ASB15: variants seen among roughly 807,000 people sequenced by gnomAD.
ASB15 encodes the protein ankyrin repeat and SOCS box containing 15.
Under a neutral mutation model 58.0 loss-of-function variants are expected in ASB15, and 54 were observed. That is an observed-to-expected ratio of 0.93 (90% CI 0.75 to 1.17). ASB15 has a LOEUF of 1.17. ASB15 is among the 50% of genes most tolerant of loss of function. The pLI is 0.00. For synonymous variants in ASB15, 249 were observed against 262.4 expected (o/e 0.95, Z 0.50); for missense variants, 680 against 707.4 (o/e 0.96, Z 0.44).
At chr7:123,620,507 CATAT>C (rs1395766241) in intron 7 of ASB15, among the ~76,000 whole-genome samples, 786 of 29,480 alleles carry the variant, frequency 0.027, 19 homozygotes, top group African/African-American at 0.032. Flanking sequence ...CATATACATA[CATAT>C]ATATATATAT....
intron 2 of ASB15, among the ~76,000 whole-genome samples, chr7:123,607,559 T>C (rs1800209774): frequency 6.6e-6 from 1 of 152,222 alleles, no homozygotes; most frequent in Non-Finnish European, 1.5e-5. Flanking sequence ...TGAACATGGC[T>C]CACTGCAGCC....
At chr7:123,614,862 A>G (rs1197895992) in intron 4 of ASB15, among the ~76,000 whole-genome samples, 4 of 152,220 alleles carry the variant, frequency 2.6e-5, no homozygotes, top group Non-Finnish European at 4.4e-5. Context: ...GTTGTATAGA[A>G]TTGCCTATTT....
chr7:123,569,445 G>GGT (rs1367087448), intron 1 of ASB15, among the ~76,000 whole-genome samples: 5 of 152,276 alleles, frequency 3.3e-5, no homozygotes, highest in Non-Finnish European at 5.9e-5. Flanking sequence ...ATTACTACCT[G>GGT]GTGTGGGTGG....
intron 1 of ASB15, chr7:123,567,097 T>C (rs2116247997): frequency 6.6e-6 from 1 of 152,342 alleles, no homozygotes; most frequent in Non-Finnish European, 1.5e-5. Context: ...AGGTACTGCA[T>C]AATTAAGTTT....
chr7:123,614,822 C>T (rs1327438346), intron 4 of ASB15, among the ~76,000 whole-genome samples: 2 of 152,162 alleles, frequency 1.3e-5, no homozygotes, highest in African/African-American at 2.4e-5. Flanking sequence ...ACAGGAAAAA[C>T]CCTATGTGGA....
chr7:123,614,271 A>G, intron 3 of ASB15: 1 of 425,078 alleles, frequency 2.4e-6, no homozygotes, highest in African/African-American at 2.1e-5. Context: ...TAGAAAGTGC[A>G]AATGCTCAAA....
chr7:123,606,806 A>G (rs535521056), intron 2 of ASB15, among the ~76,000 whole-genome samples: 1 of 152,316 alleles, frequency 6.6e-6, no homozygotes, highest in Non-Finnish European at 1.5e-5. Context: ...TAAGGTTAAT[A>G]GTCCATTGTA....
intron 2 of ASB15, among the ~76,000 whole-genome samples, chr7:123,607,558 C>T (rs1355013122): frequency 6.6e-6 from 1 of 152,156 alleles, no homozygotes; most frequent in African/African-American, 2.4e-5. Context: ...ATGAACATGG[C>T]TCACTGCAGC....
chr7:123,595,495 C>T (rs1799668283), intron 1 of ASB15, among the ~76,000 whole-genome samples: 1 of 152,200 alleles, frequency 6.6e-6, no homozygotes, highest in African/African-American at 2.4e-5. Context: ...GAAGCCTCCC[C>T]ACTTCAATGA....
chr7:123,594,688 G>A (rs1463815786), intron 1 of ASB15, among the ~76,000 whole-genome samples: 1 of 152,190 alleles, frequency 6.6e-6, no homozygotes, highest in Non-Finnish European at 1.5e-5. Flanking sequence ...CCTGTATGAG[G>A]TGTCTGTCAG....
At chr7:123,610,695 C>T (rs74829984) in intron 3 of ASB15, among the ~76,000 whole-genome samples, 2,571 of 152,168 alleles carry the variant, frequency 0.017, 74 homozygotes, top group African/African-American at 0.059. Flanking sequence ...TGACCCTAAG[C>T]AAGGTTAACC....
chr7:123,627,704 A>G (rs1017651827), intron 9 of ASB15, among the ~76,000 whole-genome samples: 1 of 152,226 alleles, frequency 6.6e-6, no homozygotes, highest in African/African-American at 2.4e-5. Context: ...ATATTATAGT[A>G]TAATGTCAAA....
At chr7:123,567,488 T>C (rs974051249) in intron 1 of ASB15, among the ~76,000 whole-genome samples, 2 of 152,212 alleles carry the variant, frequency 1.3e-5, no homozygotes, top group East Asian at 1.9e-4. Flanking sequence ...AATTAAGTGT[T>C]GGAAGAGTTA....
intron 10 of ASB15, among the ~76,000 whole-genome samples, 184 bp from the exon 11 acceptor site, chr7:123,629,782 C>G (rs536758723): frequency 3.9e-5 from 6 of 152,124 alleles, no homozygotes; most frequent in Admixed American, 3.3e-4. Context: ...CAGAGCCAGG[C>G]GAGTCTTCAG....
At chr7:123,627,086 T>A (rs759944334) in intron 8 of ASB15, 24 bp from the exon 9 acceptor site, 1 of 1,602,694 alleles carries the variant, frequency 6.2e-7, no homozygotes, top group Non-Finnish European at 8.5e-7. Context: ...CCAGTTATCA[T>A]TATGCCACGT....
chr7:123,598,164 C>T (rs1342234936), upstream of ASB15, among the ~76,000 whole-genome samples: 2 of 151,984 alleles, frequency 1.3e-5, no homozygotes, highest in Non-Finnish European at 2.9e-5. Context: ...CAATGGTTTC[C>T]CTCATGTCCA....
chr7:123,634,801 T>C (rs1211232967), intron 11 of ASB15, among the ~76,000 whole-genome samples: 2 of 152,346 alleles, frequency 1.3e-5, no homozygotes, highest in East Asian at 3.9e-4. Context: ...ATGGATGTAG[T>C]CAATGAGCAT....
intron 1 of ASB15, among the ~76,000 whole-genome samples, chr7:123,588,593 TTCTG>T (rs1799441657): frequency 6.6e-6 from 1 of 151,292 alleles, no homozygotes; most frequent in South Asian, 2.1e-4. Context: ...CTTCCTTCCT[TTCTG>T]TCTTTTTTCT....
intron 1 of ASB15, among the ~76,000 whole-genome samples, chr7:123,590,665 G>C (rs759895786): frequency 6.6e-6 from 1 of 151,864 alleles, no homozygotes; most frequent in Non-Finnish European, 1.5e-5. Flanking sequence ...CCTCTGTTCT[G>C]TTCCATTGGT....
Sources: allele counts gnomAD v4.1 joint callset (sites outside exome capture counted in the v4.1 genomes callset), GRCh38; gene constraint gnomAD v4.1.1; transcripts MANE v1.5; gene names NCBI Gene and HGNC (gene_info 2026-07-23, HGNC 2026-07-21).